Variants in ZNRF1 observed in about 807,000 individuals in gnomAD.
ZNRF1 encodes the protein E3 ubiquitin-protein ligase ZNRF1.
In ZNRF1, 3 loss-of-function variants were observed where a neutral mutation model predicts 18.4. That is an observed-to-expected ratio of 0.16 (90% CI 0.07 to 0.42). The LOEUF is 0.42. Ranked by LOEUF, ZNRF1 falls within the 10% of genes least tolerant of loss-of-function variation. ZNRF1 has a pLI of 0.99. For synonymous variants in ZNRF1, 157 were observed against 144.2 expected (o/e 1.09, Z -0.64); for missense variants, 310 against 329.8 (o/e 0.94, Z 0.47).
At chr16:75,008,474 A>C (rs1317460210) in intron 1 of ZNRF1, among the ~76,000 whole-genome samples, 1 of 152,106 alleles carries the variant, frequency 6.6e-6, no homozygotes, top group Non-Finnish European at 1.5e-5. Flanking sequence ...CCTCTTTCCT[A>C]CATCTTCAGC....
chr16:75,102,662 C>A (rs2036267441), intron 2 of ZNRF1, among the ~76,000 whole-genome samples: 1 of 152,196 alleles, frequency 6.6e-6, no homozygotes, highest in South Asian at 2.1e-4. Flanking sequence ...AACTTTCTCC[C>A]TGGACTGCCT....
At chr16:75,087,454 C>G (rs953863233) in intron 1 of ZNRF1, among the ~76,000 whole-genome samples, 9 of 152,240 alleles carry the variant, frequency 5.9e-5, no homozygotes, top group Admixed American at 5.2e-4. Context: ...AGCAGCTGGA[C>G]TCTGGCTGAT....
At chr16:75,019,817 T>C (rs769922553) in intron 1 of ZNRF1, among the ~76,000 whole-genome samples, 19 of 152,066 alleles carry the variant, frequency 1.2e-4, no homozygotes, top group Admixed American at 5.9e-4. Context: ...CTCAAACTCT[T>C]GGACTCAAGC....
At chr16:75,044,240 T>A (rs2035486130) in intron 1 of ZNRF1, among the ~76,000 whole-genome samples, 1 of 152,208 alleles carries the variant, frequency 6.6e-6, no homozygotes, top group Non-Finnish European at 1.5e-5. Context: ...AAATTTATTT[T>A]ATTTTTTGAG....
Position 74,999,742 on chromosome 16 carries a change from C to A in ZNRF1, c.71C>A (p.Ala24Asp), listed in dbSNP as rs2145308020. Reference sequence around the variant, plus strand: ...CCGGGGGTCTCCACCGATGACAGCGCCGTGCCGCCGCCGGGAGGGGCGCCC... The same window carrying A: ...CCGGGGGTCTCCACCGATGACAGCGACGTGCCGCCGCCGGGAGGGGCGCCC... ...PFPGVSTDDS[A>D]VPPPGGAPHF... is the part of the protein sequence containing the mutation. Residue 24 changes from alanine (A) to aspartate (D), a missense_variant, in exon 1 of 5, where the codon GCC becomes GAC. Around this residue, in one of 2 missense-constraint regions of ZNRF1, gnomAD observed 293 missense variants for 291.2 expected, o/e 1.01. Coordinates refer to ENST00000335325, the MANE Select transcript of ZNRF1 (RefSeq NM_032268.5). The A allele has an allele frequency of 7.2e-7, 1 of 1,391,782 alleles. No individual in the cohort carries two copies. Among genetic ancestry groups the A allele is most frequent in the East Asian group, 2.9e-5 (1 of 34,428 alleles). 86.2% of individuals were successfully genotyped at this position (1,391,782 alleles called of 1,614,324 possible).
At chr16:75,000,997 G>A (rs1197536881) in intron 1 of ZNRF1, among the ~76,000 whole-genome samples, 1 of 152,174 alleles carries the variant, frequency 6.6e-6, no homozygotes, top group Non-Finnish European at 1.5e-5. Context: ...GGCTCCTAGC[G>A]GGAGGGCAAA....
intron 1 of ZNRF1, among the ~76,000 whole-genome samples, chr16:75,087,048 C>T (rs1236506086): frequency 1.3e-5 from 2 of 152,082 alleles, no homozygotes; most frequent in African/African-American, 2.4e-5. Context: ...GTTGCAGCTT[C>T]GGAAAATGAG....
At chr16:75,078,576 G>A (rs940021001) in intron 1 of ZNRF1, among the ~76,000 whole-genome samples, 12 of 152,262 alleles carry the variant, frequency 7.9e-5, no homozygotes, top group African/African-American at 2.6e-4. Flanking sequence ...TGGGATTACA[G>A]GCGTGAGCCA....
intron 2 of ZNRF1, among the ~76,000 whole-genome samples, chr16:75,098,250 C>T (rs532074119): frequency 6.6e-6 from 1 of 152,332 alleles, no homozygotes; most frequent in South Asian, 2.1e-4. Flanking sequence ...TAGGGGAGGC[C>T]TGCAAGGCCC....
chr16:75,093,421 T>G (rs1239203513), intron 1 of ZNRF1, 151 bp from the exon 2 acceptor site: 7 of 511,802 alleles, frequency 1.4e-5, no homozygotes, highest in South Asian at 3.0e-5. Context: ...CTCAAATGAG[T>G]CCTTGAAGGA....
chr16:75,013,561 G>C (rs946754687), intron 1 of ZNRF1, among the ~76,000 whole-genome samples: 30 of 152,240 alleles, frequency 2.0e-4, no homozygotes, highest in Middle Eastern at 3.4e-3. Context: ...TAGCCAGGAT[G>C]GTCTCAATCT....
In ZNRF1 at chr16:75,108,093, A is replaced by AC; in HGVS notation, c.*396dup. On this transcript the variant is annotated 3_prime_UTR_variant, in exon 5 of 5. Transcript: ENST00000335325. ...GCTTGCTGTTTGCTGCCCAGCCATAACCCACTCAGTGACAGACGAACACAG... is the reference window on the plus strand; with the variant it reads ...GCTTGCTGTTTGCTGCCCAGCCATAACCCCACTCAGTGACAGACGAACACAG... 1 of 266,540 alleles carries AC rather than the reference A, an allele frequency of 3.8e-6. No individual in the cohort carries two copies. 16.5% of individuals were successfully genotyped at this position (266,540 alleles called of 1,614,324 possible). A position where few individuals can be genotyped will look rare whatever the true frequency, so the allele number is the denominator to read the frequency against.
At chr16:75,033,862 C>G (rs8057237) in intron 1 of ZNRF1, among the ~76,000 whole-genome samples, 8 of 151,984 alleles carry the variant, frequency 5.3e-5, no homozygotes, top group African/African-American at 1.7e-4. Context: ...AAAAATTACC[C>G]TTGGCCAGGT....
At chr16:75,032,751 A>G (rs186313029) in intron 1 of ZNRF1, among the ~76,000 whole-genome samples, 216 of 152,284 alleles carry the variant, frequency 1.4e-3, no homozygotes, top group Middle Eastern at 6.8e-3. Flanking sequence ...GACCAGATGC[A>G]GTAGCTCATG....
At position 75,108,748 on chromosome 16, in the gene ZNRF1, A is replaced by T. The variant is rs149084933; in HGVS notation, c.*1048A>T. On this transcript the variant is annotated 3_prime_UTR_variant, in exon 5 of 5. Coordinates refer to ENST00000335325, the MANE Select transcript of ZNRF1 (RefSeq NM_032268.5). Reference sequence around the variant, plus strand: ...TTTTATTTTAATGAAGTGTTATACAATCAAGAAATGGGGGCAAGGGCCTGC... The same window carrying T: ...TTTTATTTTAATGAAGTGTTATACATTCAAGAAATGGGGGCAAGGGCCTGC... 1.8e-3 allele frequency: 684 copies of T among 387,192 alleles called. 8 individuals carry two copies. Among genetic ancestry groups the T allele is most frequent in the African/African-American group, 0.013 (628 of 48,516 alleles). The allele number at this position is 387,192 out of a possible 1,614,324, so 24.0% of individuals were successfully genotyped here.
chr16:75,027,881 C>T (rs1024575038), intron 1 of ZNRF1, among the ~76,000 whole-genome samples: 6 of 152,186 alleles, frequency 3.9e-5, no homozygotes, highest in Non-Finnish European at 8.8e-5. Context: ...CATTCTCCAG[C>T]CTCCTAGAGG....
chr16:75,077,746 G>A (rs1446209801), intron 1 of ZNRF1, among the ~76,000 whole-genome samples: 1 of 152,138 alleles, frequency 6.6e-6, no homozygotes, highest in Admixed American at 6.5e-5. Context: ...GAGGCTCTAG[G>A]GGAGAATCCA....
intron 1 of ZNRF1, among the ~76,000 whole-genome samples, chr16:75,029,084 T>TTG (rs2035263835): frequency 6.7e-6 from 1 of 150,308 alleles, no homozygotes; most frequent in South Asian, 2.1e-4. Context: ...TGACCTTTTT[T>TTG]TTTTTTGCTA....
At chr16:75,025,059 T>TTTAA (rs964691460) in intron 1 of ZNRF1, among the ~76,000 whole-genome samples, 69 of 152,208 alleles carry the variant, frequency 4.5e-4, no homozygotes, top group Admixed American at 1.1e-3. Context: ...TATTATTTTA[T>TTTAA]TTAATTAATT....
Sources: allele counts gnomAD v4.1 joint callset (sites outside exome capture counted in the v4.1 genomes callset), GRCh38; gene constraint gnomAD v4.1.1; regional missense constraint gnomAD v4.1.1; transcripts MANE v1.5; gene names NCBI Gene and HGNC (gene_info 2026-07-23, HGNC 2026-07-21).